The following OAS2 variants were observed in gnomAD, a reference collection of about 807,000 sequenced individuals.
The protein encoded by OAS2 is 2'-5'-oligoadenylate synthetase 2.
A neutral mutation model predicts 71.3 loss-of-function variants in OAS2; 67 were observed. The ratio of observed to expected loss-of-function variants is 0.94; its 90% CI spans 0.77 to 1.15. OAS2 has a LOEUF of 1.15. Among genes scored for constraint, OAS2 ranks in the 50% most tolerant of loss-of-function variants. The pLI is 0.00. For synonymous variants in OAS2, 327 were observed against 321.8 expected, an observed-to-expected ratio of 1.02 and a Z score of -0.17; for missense variants, 789 against 822.5, an observed-to-expected ratio of 0.96 and a Z score of 0.50.
At chr12:113,002,780 T>C (rs2044300558) in intron 5 of OAS2, 152 bp from the exon 6 acceptor site, 1 of 673,076 alleles carries the variant, frequency 1.5e-6, no homozygotes, top group Admixed American at 2.7e-5. Context: ...TGGGATGTAT[T>C]TGTGCAATGA....
intron 9 of OAS2, among the ~76,000 whole-genome samples, chr12:113,008,429 G>A (rs2044353029): frequency 6.6e-6 from 1 of 152,078 alleles, no homozygotes; most frequent in Admixed American, 6.6e-5. Flanking sequence ...GAGAGAAGGA[G>A]ACCCCCGGTG....
intron 5 of OAS2, 47 bp from the exon 6 acceptor site, chr12:113,002,885 G>A (rs777581337): frequency 1.3e-6 from 2 of 1,579,552 alleles, no homozygotes; most frequent in Non-Finnish European, 1.7e-6. Flanking sequence ...AGCCTTGGGT[G>A]GGCTTACAGG....
intron 5 of OAS2, among the ~76,000 whole-genome samples, chr12:113,000,932 AG>A (rs2044282088): frequency 1.3e-5 from 2 of 152,222 alleles, no homozygotes; most frequent in African/African-American, 4.8e-5. Flanking sequence ...CCCCACCTCC[AG>A]GTGAGCTAGC....
intron 1 of OAS2, among the ~76,000 whole-genome samples, chr12:112,982,746 T>C (rs1293773): frequency 0.16 from 24,387 of 152,142 alleles, 2,439 homozygotes; most frequent in East Asian, 0.41. Context: ...TTGAGAAGAA[T>C]TGGTGTTAAT....
chr12:113,005,918 C>CAAAAAAAAAAAAAAAAAAAAAAAAAAAA (rs138299398), intron 7 of OAS2, among the ~76,000 whole-genome samples: 9 of 49,046 alleles, frequency 1.8e-4, no homozygotes, highest in Non-Finnish European at 2.4e-4. Context: ...ACAACAACAA[C>CAAAAAAAAAAAAAAAAAAAAAAAAAAAA]AAAAAAAAAA....
chr12:112,997,735 G>A lies in OAS2; in HGVS notation c.843G>A (p.Leu281=), dbSNP rs1232613816. ...FEDETIRNIL[L]HQLQSARPVI... is the part of the protein sequence containing the mutation. The stretch of plus-strand genomic sequence containing the variant: ...ATGAGACCATCAGGAACATCCTGCT[G>A]CACCAGCTCCAATCAGCGAGGTGCC... The change falls in exon 4 of 10, where the codon CTG becomes CTA. Residue 281 remains leucine, a synonymous_variant. Transcript: ENST00000392583. The A allele has an allele frequency of 1.9e-6, 3 of 1,600,762 alleles. No individual in the cohort carries two copies. In the East Asian group the frequency reaches 6.7e-5, roughly 36 times the overall value.
rs184618665 is a variant in OAS2 at position 113,007,696 on chromosome 12, C to T, written c.1657-9C>T. ...AACCAGTTCGTCTGATGTTCCCACT[C>T]TTACCTAGTGTGAAAGGAAACTGAA... On this transcript the variant is annotated splice_polypyrimidine_tract_variant and intron_variant, in intron 8 of 9. Transcript: ENST00000392583. 9.3e-5 allele frequency: 150 copies of T among 1,610,104 alleles called. No homozygotes were observed. In the African/African-American group the frequency reaches 1.7e-3, roughly 18 times the overall value.
At chr12:113,007,018 C>T (rs2044341211) in intron 8 of OAS2, among the ~76,000 whole-genome samples, 1 of 152,196 alleles carries the variant, frequency 6.6e-6, no homozygotes, top group Admixed American at 6.5e-5. Context: ...CTCACAGGAG[C>T]TTGAACAACT....
Position 112,997,673 on chromosome 12 carries a change from C to G in OAS2, c.781C>G (p.Leu261Val), listed in dbSNP as rs1307554933. The G allele has an allele frequency of 6.2e-7, 1 of 1,614,024 alleles. No individual in the cohort carries two copies. The highest frequency in any genetic ancestry group is 8.5e-7 in the Non-Finnish European group (1 of 1,179,960). ...VLELIKCQEK[L>V]CIYWMVNYNF... ...GGAGCTGATCAAATGCCAGGAGAAG[C>G]TGTGTATCTATTGGATGGTCAACTA... is the stretch of plus-strand genomic sequence containing the variant. The change falls in exon 4 of 10, where the codon CTG becomes GTG. Residue 261 changes from leucine to valine, a missense_variant. By Grantham distance (32) the Leu-to-Val change is conservative (BLOSUM62 1). Coordinates refer to ENST00000392583, the MANE Select transcript of OAS2 (RefSeq NM_002535.3).
chr12:113,009,609 C>CT lies in OAS2; in HGVS notation c.*356dup. The CT allele has an allele frequency of 9.9e-7, 1 of 1,006,484 alleles. No individual in the cohort carries two copies. The highest frequency in any genetic ancestry group is 1.7e-5 in the African/African-American group (1 of 58,064). The allele number at this position is 1,006,484 out of a possible 1,614,324, so 62.3% of individuals were successfully genotyped here. A position where few individuals can be genotyped will look rare whatever the true frequency, so the allele number is the denominator to read the frequency against. On this transcript the variant is annotated 3_prime_UTR_variant, in exon 10 of 10. Transcript: ENST00000392583. ...CCCTCTTTAGCTGTTAATTTGAGTA[C>CT]TTATGGCCCTGAAAGCGGCCACGGT...
Position 112,997,586 on chromosome 12 carries a change from G to A in OAS2, c.694G>A (p.Ala232Thr), listed in dbSNP as rs760225677. The A allele has an allele frequency of 1.2e-6, 2 of 1,614,212 alleles. No homozygotes were observed. The highest frequency in any genetic ancestry group is 2.2e-5 in the South Asian group (2 of 91,076). ...TGCCCTGGAGCTGCTTACGGTGTATGCCTGGGAACAGGGGTGCAGAAAAGA... is the reference window on the plus strand; with the variant it reads ...TGCCCTGGAGCTGCTTACGGTGTATACCTGGGAACAGGGGTGCAGAAAAGA... ...PYALELLTVY[A>T]WEQGCRKDNF... Residue 232 changes from alanine to threonine, a missense_variant, in exon 4 of 10, where the codon GCC (alanine) becomes ACC (threonine). Physicochemically the swap from Ala to Thr is moderately conservative, Grantham distance 58. Transcript: ENST00000392583.
chr12:112,987,339 G>T (rs1420719729), intron 2 of OAS2, 31 bp downstream of exon 2: 1 of 1,613,046 alleles, frequency 6.2e-7, no homozygotes, highest in South Asian at 1.1e-5. Flanking sequence ...GGAGAGAAAA[G>T]CCAAAGAAGC....
intron 1 of OAS2, among the ~76,000 whole-genome samples, chr12:112,981,681 A>G (rs1208844726): frequency 6.6e-6 from 1 of 151,852 alleles, no homozygotes; most frequent in African/African-American, 2.4e-5. Context: ...CCTCAGTACT[A>G]TTTGGCTATT....
intron 5 of OAS2, among the ~76,000 whole-genome samples, chr12:112,999,294 A>G (rs753605864): frequency 6.6e-6 from 1 of 152,204 alleles, no homozygotes; most frequent in South Asian, 2.1e-4. Flanking sequence ...ACTCCCCTGC[A>G]TGCTCAGTGC....
Position 112,978,693 on chromosome 12 carries a change from G to A in OAS2, c.85G>A (p.Glu29Lys), listed in dbSNP as rs773220214. The change falls in exon 1 of 10, where the codon GAA becomes AAA. Residue 29 changes from glutamate (E) to lysine (K), a missense_variant. Physicochemically the swap from Glu to Lys is moderately conservative, Grantham distance 56. Coordinates refer to ENST00000392583, the MANE Select transcript of OAS2 (RefSeq NM_002535.3). The surrounding 1 kb of genome is among the most constrained non-coding windows in gnomAD (Gnocchi z 4.2). The part of the protein sequence containing the change: ...FIQEYLKPYE[E>K]CQTLIDEMVN... ...CCAGGAATACCTGAAGCCCTACGAA[G>A]AATGTCAGACACTGATCGACGAGAT... 1.2e-6 allele frequency: 2 copies of A among 1,614,178 alleles called. No homozygotes were observed. The highest frequency in any genetic ancestry group is 1.7e-6 in the Non-Finnish European group (2 of 1,180,034).
intron 7 of OAS2, among the ~76,000 whole-genome samples, chr12:113,005,763 C>T (rs571687316): frequency 6.1e-4 from 92 of 151,066 alleles, no homozygotes; most frequent in African/African-American, 2.2e-3. Flanking sequence ...TGGTGGCACA[C>T]GCCTGTAGTC....
At position 113,005,417 on chromosome 12, in the gene OAS2, C is replaced by G. The variant is rs2013593; in HGVS notation, c.1468+195C>G. 0.74 allele frequency among the ~76,000 whole-genome samples: 112,899 copies of G among 151,620 alleles called. 42,433 individuals are homozygous for G. The highest frequency in any genetic ancestry group is 1 in the East Asian group (5,144 of 5,166). On this transcript the variant is annotated intron_variant, in intron 7 of 9. Coordinates refer to ENST00000392583, the MANE Select transcript of OAS2 (RefSeq NM_002535.3). ...CCATTTCTCTTTTCCAAGCATGGGG[C>G]TGTGTGCCTATAATCCCAGTAATCA...
intron 9 of OAS2, 59 bp downstream of exon 9, chr12:113,008,002 C>A: frequency 2.4e-6 from 3 of 1,246,590 alleles, no homozygotes; most frequent in Non-Finnish European, 2.3e-6. Flanking sequence ...ACTGTCTCAG[C>A]AACCTGGATT....
chr12:113,003,644 G>A (rs540312859), intron 6 of OAS2, among the ~76,000 whole-genome samples: 57 of 152,258 alleles, frequency 3.7e-4, no homozygotes, highest in South Asian at 2.5e-3. Context: ...ACTGGAGCCC[G>A]GCTTGCCCCA....
Sources: gnomAD v4.1 joint callset for allele counts (sites outside exome capture counted in the v4.1 genomes callset) on GRCh38, gnomAD v4.1.1 for gene constraint, Gnocchi (gnomAD v3.1) non-coding constraint, MANE v1.5 for transcripts, NCBI Gene and HGNC (gene_info 2026-07-23, HGNC 2026-07-21) for gene names.